Variants in IQSEC1 observed in about 807,000 individuals in gnomAD.
IQSEC1 encodes IQ motif and Sec7 domain ArfGEF 1.
IQSEC1 carries 31 observed loss-of-function variants against 91.0 expected under a neutral mutation model. That is an observed-to-expected ratio of 0.34 (90% confidence interval 0.26 to 0.46). The LOEUF is 0.46. Ranked by LOEUF, IQSEC1 falls within the 20% of genes least tolerant of loss-of-function variation. The pLI, the probability that IQSEC1 is intolerant of heterozygous loss-of-function variation, is 1.00. For synonymous variants in IQSEC1, 699 were observed against 662.6 expected, an observed-to-expected ratio of 1.05 and a Z score of -0.84; for missense variants, 1,388 against 1,575.6, an observed-to-expected ratio of 0.88 and a Z score of 2.02.
chr3:13,015,758 C>A, intron 1 of IQSEC1: 2 of 984,456 alleles, frequency 2.0e-6, no homozygotes, highest in South Asian at 4.7e-5. Context: ...CACCCTGGGG[C>A]CCCCGCCCAC....
At chr3:13,204,410 C>T (rs1277471122) in intron 1 of IQSEC1, among the ~76,000 whole-genome samples, 5 of 152,260 alleles carry the variant, frequency 3.3e-5, no homozygotes, top group South Asian at 2.1e-4. Context: ...CGAGGTTCGC[C>T]AAGCCTCTTC....
intron 1 of IQSEC1, among the ~76,000 whole-genome samples, chr3:12,984,307 CTCAAG>C (rs1206066206): frequency 6.6e-6 from 1 of 152,200 alleles, no homozygotes; most frequent in Non-Finnish European, 1.5e-5. Flanking sequence ...AGCGAGCATA[CTCAAG>C]TCTAGTTTCA....
intron 1 of IQSEC1, among the ~76,000 whole-genome samples, chr3:12,978,714 A>T (rs1559694108): frequency 2.0e-5 from 3 of 149,644 alleles, no homozygotes; most frequent in Admixed American, 6.6e-5. Flanking sequence ...CAAAAAAAAA[A>T]ATAAATAAAT....
chr3:13,141,019 G>A (rs1456841818), intron 2 of IQSEC1, among the ~76,000 whole-genome samples: 1 of 152,266 alleles, frequency 6.6e-6, no homozygotes, highest in Non-Finnish European at 1.5e-5. Context: ...AGGGCACCAC[G>A]ACGAAGGGCA....
intron 9 of IQSEC1, among the ~76,000 whole-genome samples, chr3:12,913,167 G>A (rs1455360600): frequency 6.6e-6 from 1 of 152,240 alleles, no homozygotes; most frequent in African/African-American, 2.4e-5. Flanking sequence ...CAAGGTACAG[G>A]TGCAGACAGC....
rs1559274498 is a variant in IQSEC1, at chr3:13,193,638, C to A, written c.273-29505G>T. On this transcript the variant is annotated intron_variant, in intron 1 of 15. Transcript: ENST00000648114. The surrounding 1 kb of genome is among the most constrained non-coding windows in gnomAD (Gnocchi z 4.2). Reference sequence around the variant, plus strand: ...TGAGTTCAGTTTGGGGTGTGCCAAGCTTAGGGGTCTAGAACACTTAAGATG... The same window carrying A: ...TGAGTTCAGTTTGGGGTGTGCCAAGATTAGGGGTCTAGAACACTTAAGATG... Among the ~76,000 whole-genome samples the A allele has an allele frequency of 6.6e-6, 1 of 152,150 alleles. No individual in the cohort carries two copies. Among genetic ancestry groups the A allele is most frequent in the Non-Finnish European group, 1.5e-5 (1 of 68,024 alleles).
At chr3:13,159,222 G>C (rs559283419) in intron 2 of IQSEC1, among the ~76,000 whole-genome samples, 1 of 152,250 alleles carries the variant, frequency 6.6e-6, no homozygotes, top group South Asian at 2.1e-4. Flanking sequence ...TTGAGGTCAG[G>C]AGTTTGAGAC....
chr3:13,099,849 G>A (rs1337748275), intron 2 of IQSEC1, among the ~76,000 whole-genome samples: 4 of 122,542 alleles, frequency 3.3e-5, no homozygotes, highest in Non-Finnish European at 7.1e-5. Context: ...CAGCACCCCT[G>A]GCAGAGGGCA....
intron 2 of IQSEC1, among the ~76,000 whole-genome samples, chr3:13,110,807 G>C (rs1415686718): frequency 6.6e-6 from 1 of 152,150 alleles, no homozygotes; most frequent in East Asian, 1.9e-4. Context: ...TCCTGTCACG[G>C]GTGTGGAGAT....
intron 1 of IQSEC1, among the ~76,000 whole-genome samples, chr3:13,274,593 C>T (rs1695644419): frequency 6.6e-6 from 1 of 152,248 alleles, no homozygotes; most frequent in Non-Finnish European, 1.5e-5. Flanking sequence ...CCAACCCTCC[C>T]CTGCGACCAC....
chr3:12,929,066 A>G (rs548923845), intron 3 of IQSEC1, among the ~76,000 whole-genome samples: 1 of 152,352 alleles, frequency 6.6e-6, no homozygotes, highest in South Asian at 2.1e-4. Context: ...GAAATATGCT[A>G]CAGTACAAGC....
intron 1 of IQSEC1, among the ~76,000 whole-genome samples, chr3:13,068,585 T>A (rs415938): frequency 6.6e-6 from 1 of 151,508 alleles, no homozygotes; most frequent in Non-Finnish European, 1.5e-5. Flanking sequence ...CATGACGATG[T>A]GACTCTTTAC....
chr3:13,065,140 C>T (rs1251759711), intron 1 of IQSEC1, among the ~76,000 whole-genome samples: 2 of 152,262 alleles, frequency 1.3e-5, no homozygotes, highest in Non-Finnish European at 2.9e-5. Context: ...GAGACCACCA[C>T]CTCCTGCAGG....
chr3:13,016,374 A>G (rs1703132253), intron 1 of IQSEC1, among the ~76,000 whole-genome samples: 1 of 151,968 alleles, frequency 6.6e-6, no homozygotes, highest in African/African-American at 2.4e-5. Context: ...CCACATCTCA[A>G]CCGGCCTTCC....
rs994778182 is a variant in IQSEC1, at chr3:12,967,690, G to A, written c.24-25825C>T. The A allele has an allele frequency of 1.6e-5, 19 of 1,152,622 alleles. No homozygotes were observed. Among genetic ancestry groups the A allele is most frequent in the Non-Finnish European group, 1.9e-5 (18 of 938,540 alleles). 71.4% of individuals were successfully genotyped at this position (1,152,622 alleles called of 1,614,324 possible). A position where few individuals can be genotyped will look rare whatever the true frequency, so the allele number is the denominator to read the frequency against. ...CCGCCCCTCCGCCGCCGCCCGCTTG[G>A]CGCAGCGCGAGGCCGGGCCGGAGGA... is the stretch of plus-strand genomic sequence containing the variant. On this transcript the variant is annotated intron_variant, in intron 1 of 13. Coordinates refer to ENST00000613206, the MANE Select transcript of IQSEC1 (RefSeq NM_001134382.3). This position sits in a 1 kb window ranked among gnomAD's most constrained non-coding sequence, Gnocchi z 5.9.
chr3:12,968,728 G>A (rs1242607403), intron 1 of IQSEC1, among the ~76,000 whole-genome samples: 3 of 152,234 alleles, frequency 2.0e-5, no homozygotes, highest in Non-Finnish European at 4.4e-5. Flanking sequence ...GAGACAGCAA[G>A]CAGATATGGA....
At chr3:12,971,193 T>A (rs916608993) in intron 1 of IQSEC1, among the ~76,000 whole-genome samples, 1 of 152,192 alleles carries the variant, frequency 6.6e-6, no homozygotes, top group Non-Finnish European at 1.5e-5. Context: ...AGTCTTACAT[T>A]GGCTCCAACT....
chr3:12,929,864 G>C (rs1697513193), intron 3 of IQSEC1, among the ~76,000 whole-genome samples: 2 of 152,220 alleles, frequency 1.3e-5, no homozygotes, highest in South Asian at 4.1e-4. Flanking sequence ...CATCCCTGCT[G>C]TGTGCTCCCA....
rs777248825 is a variant in IQSEC1 at position 12,922,006 on chromosome 3, A to T, written c.1853+114T>A. Reference sequence around the variant, plus strand: ...CACCCCCAAAGCAACATTCAGGGACACCTGGCCCTGTCTAGGGATGGTGGG... The same window carrying T: ...CACCCCCAAAGCAACATTCAGGGACTCCTGGCCCTGTCTAGGGATGGTGGG... On this transcript the variant is annotated intron_variant, in intron 5 of 13. Coordinates refer to ENST00000613206, the MANE Select transcript of IQSEC1 (RefSeq NM_001134382.3). The surrounding 1 kb of genome is among the most constrained non-coding windows in gnomAD (Gnocchi z 5.1). 5.4e-6 allele frequency: 7 copies of T among 1,300,842 alleles called. No individual in the cohort carries two copies. The highest frequency in any genetic ancestry group is 7.2e-6 in the Non-Finnish European group (7 of 977,308). 80.6% of individuals were successfully genotyped at this position (1,300,842 alleles called of 1,614,324 possible). A position where few individuals can be genotyped will look rare whatever the true frequency, so the allele number is the denominator to read the frequency against.
Sources: gnomAD v4.1 joint callset for allele counts (sites outside exome capture counted in the v4.1 genomes callset) on GRCh38, gnomAD v4.1.1 for gene constraint, Gnocchi (gnomAD v3.1) non-coding constraint, MANE v1.5 for transcripts, NCBI Gene and HGNC (gene_info 2026-07-23, HGNC 2026-07-21) for gene names.